NME8: variants seen among roughly 807,000 people sequenced by gnomAD.
NME8 encodes NME/NM23 family member 8, also known as protein NME8.
NME8 carries 72 observed loss-of-function variants against 82.3 expected under a neutral mutation model. The ratio of observed to expected loss-of-function variants is 0.87; its 90% CI spans 0.72 to 1.06. The LOEUF (loss-of-function observed/expected upper bound fraction) is 1.06. Ranked by LOEUF, NME8 falls within the 50% of genes least tolerant of loss-of-function variation. The pLI, the probability that NME8 is intolerant of heterozygous loss-of-function variation, is 0.00. For missense variants in NME8, 712 were observed against 685.4 expected (o/e 1.04, Z -0.43); for synonymous variants, 267 against 228.5 (o/e 1.17, Z -1.52).
chr7:37,865,529 C>T lies in NME8; in HGVS notation c.533C>T (p.Thr178Ile), dbSNP rs199767578. The change falls in exon 10 of 18, where the codon ACC (threonine) becomes ATC (isoleucine). Residue 178 changes from threonine to isoleucine, a missense_variant. Transcript: ENST00000199447. ...GACCTTACTCTCTAATTGAAGATTA[C>T]CAAAGCTGGATTTATTATAGAAGCA... ...KKVLEIKRKITKAGFIIEAEH... is the reference protein window; with the variant it reads ...KKVLEIKRKIIKAGFIIEAEH... 3 of 1,609,348 alleles carry T rather than the reference C, an allele frequency of 1.9e-6. No homozygotes were observed. The highest frequency in any genetic ancestry group is 1.7e-5 in the Admixed American group (1 of 59,992).
intron 9 of NME8, 111 bp from the exon 10 acceptor site, chr7:37,865,414 T>C (rs1784661525): frequency 2.7e-6 from 2 of 745,948 alleles, no homozygotes; most frequent in South Asian, 1.5e-5. Flanking sequence ...GCTGAGGTTC[T>C]TATAGAAAAT....
In NME8 at chr7:37,863,573, G is replaced by A. The variant is rs1014174669; in HGVS notation, c.454+111G>A. On this transcript the variant is annotated intron_variant, in intron 8 of 17. Coordinates refer to ENST00000199447, the MANE Select transcript of NME8 (RefSeq NM_016616.5). Reference sequence around the variant, plus strand: ...TAACAAATCCATGTTTATTAAGGAGGAATTATTCAGATAAATGATGATTTG... The same window carrying A: ...TAACAAATCCATGTTTATTAAGGAGAAATTATTCAGATAAATGATGATTTG... 4.0e-5 allele frequency: 29 copies of A among 732,726 alleles called. No individual in the cohort carries two copies. The African/African-American group carries it at 4.1e-4, about 10-fold the overall frequency. The allele number at this position is 732,726 out of a possible 1,614,324, so 45.4% of individuals were successfully genotyped here. A position where few individuals can be genotyped will look rare whatever the true frequency, so the allele number is the denominator to read the frequency against.
intron 12 of NME8, among the ~76,000 whole-genome samples, chr7:37,882,621 AAG>A (rs1316678293): frequency 0.015 from 870 of 57,224 alleles, 12 homozygotes; most frequent in East Asian, 0.1. Flanking sequence ...GAGAGAAAGA[AAG>A]AAAGAAAGAA....
At chr7:37,862,336 G>T (rs1176691754) in intron 7 of NME8, among the ~76,000 whole-genome samples, 192 bp downstream of exon 7, 1 of 152,146 alleles carries the variant, frequency 6.6e-6, no homozygotes, top group Admixed American at 6.6e-5. Flanking sequence ...CTATCCAGGT[G>T]TGTAAATGGT....
At chr7:37,861,754 T>C (rs530558576) in intron 6 of NME8, among the ~76,000 whole-genome samples, 1 of 152,280 alleles carries the variant, frequency 6.6e-6, no homozygotes, top group African/African-American at 2.4e-5. Context: ...CAGGAGAGAT[T>C]GCATCAGGTG....
chr7:37,858,946 C>G (rs1424124022), intron 6 of NME8, among the ~76,000 whole-genome samples: 2 of 152,036 alleles, frequency 1.3e-5, no homozygotes, highest in African/African-American at 4.8e-5. Context: ...ACTTAAAGAG[C>G]TTGGCACTGT....
intron 5 of NME8, among the ~76,000 whole-genome samples, chr7:37,853,874 TAG>T (rs67660097): frequency 1.3e-5 from 2 of 151,044 alleles, no homozygotes; most frequent in African/African-American, 2.4e-5. Flanking sequence ...TTTATATATA[TAG>T]AGAGAGGCAT....
intron 5 of NME8, among the ~76,000 whole-genome samples, chr7:37,856,420 A>C (rs987578633): frequency 1.3e-5 from 2 of 152,146 alleles, no homozygotes; most frequent in African/African-American, 4.8e-5. Context: ...CTGGCACCCT[A>C]ATCTGAGACT....
At position 37,850,427 on chromosome 7, in the gene NME8, G is replaced by T; in HGVS notation, c.83G>T (p.Gly28Val). The T allele has an allele frequency of 2.5e-6, 4 of 1,614,092 alleles. No individual in the cohort carries two copies. The highest frequency in any genetic ancestry group is 3.4e-6 in the Non-Finnish European group (4 of 1,180,006). ...SLWDEMLQNK[G>V]LTVIDVYQAW... The stretch of plus-strand genomic sequence containing the variant: ...TGGGATGAGATGTTGCAGAACAAAG[G>T]CTTAACAGGTATAAGGACTCCCCGG... The change falls in exon 4 of 18, where the codon GGC becomes GTC. Residue 28 changes from glycine to valine, a missense_variant. By Grantham distance (109) the Gly-to-Val change is moderately radical. Coordinates refer to ENST00000199447, the MANE Select transcript of NME8 (RefSeq NM_016616.5).
chr7:37,896,819 T>C, intron 16 of NME8, 51 bp from the exon 17 acceptor site: 1 of 1,480,902 alleles, frequency 6.8e-7, no homozygotes, highest in Non-Finnish European at 9.4e-7. Flanking sequence ...TTGTTTGCAG[T>C]GTCAACAGTT....
intron 12 of NME8, among the ~76,000 whole-genome samples, chr7:37,881,838 T>C (rs1784951251): frequency 6.6e-6 from 1 of 152,222 alleles, no homozygotes. Context: ...ATCTAATAGA[T>C]ATAGGGCTAA....
intron 11 of NME8, among the ~76,000 whole-genome samples, chr7:37,870,469 G>C (rs1401516137): frequency 1.3e-5 from 2 of 150,790 alleles, no homozygotes; most frequent in Non-Finnish European, 2.9e-5. Flanking sequence ...CATGCCTGTA[G>C]TTCCAGCTAC....
chr7:37,882,597 AAGAGAGAGAGAG>A (rs772102601), intron 12 of NME8, among the ~76,000 whole-genome samples: 2 of 82,994 alleles, frequency 2.4e-5, no homozygotes, highest in Non-Finnish European at 5.2e-5. Flanking sequence ...GAAAGAAAGA[AAGAGAGAGAGAG>A]AGAGAGAAAG....
chr7:37,884,750 C>T (rs143113292), intron 13 of NME8, among the ~76,000 whole-genome samples: 1 of 152,342 alleles, frequency 6.6e-6, no homozygotes, highest in Non-Finnish European at 1.5e-5. Context: ...AACTGACTGA[C>T]TCTCAAGAGC....
chr7:37,894,350 A>G (rs1007090779), intron 15 of NME8, 116 bp from the exon 16 acceptor site: 5 of 1,086,274 alleles, frequency 4.6e-6, no homozygotes, highest in Non-Finnish European at 5.5e-6. Context: ...GAGTTTTGCC[A>G]TGTTAAACCA....
At chr7:37,888,913 A>AT (rs1439056088) in intron 15 of NME8, among the ~76,000 whole-genome samples, 6 of 150,668 alleles carry the variant, frequency 4.0e-5, no homozygotes, top group African/African-American at 4.9e-5. Flanking sequence ...TCTGCTTTCC[A>AT]TTTTTTTGGT....
chr7:37,861,672 G>A (rs1784598655), intron 6 of NME8, among the ~76,000 whole-genome samples: 1 of 152,196 alleles, frequency 6.6e-6, no homozygotes, highest in Admixed American at 6.5e-5. Context: ...GGGGCATGGT[G>A]TCAAAAATAA....
chr7:37,849,560 A>G (rs537597567), intron 2 of NME8, among the ~76,000 whole-genome samples: 31 of 152,288 alleles, frequency 2.0e-4, no homozygotes, highest in African/African-American at 7.5e-4. Flanking sequence ...ACAGTGGGGA[A>G]ATTTTTCACT....
chr7:37,896,857 C>T lies in NME8; in HGVS notation c.1545-13C>T, dbSNP rs1398587437. On this transcript the variant is annotated splice_polypyrimidine_tract_variant and intron_variant, in intron 16 of 17. Transcript: ENST00000199447. ...CAGTAGGCTGGGTCTTCTGAAAGCA[C>T]CGTTCTTTGCAGGGGTCCATCTATG... is the stretch of plus-strand genomic sequence containing the variant. 6.2e-7 allele frequency: 1 copy of T among 1,611,278 alleles called. No homozygotes were observed. The highest frequency in any genetic ancestry group is 8.5e-7 in the Non-Finnish European group (1 of 1,177,538).
Sources: allele counts gnomAD v4.1 joint callset (sites outside exome capture counted in the v4.1 genomes callset), GRCh38; gene constraint gnomAD v4.1.1; transcripts MANE v1.5; gene names NCBI Gene and HGNC (gene_info 2026-07-23, HGNC 2026-07-21).